Variants in USP15 observed in about 807,000 individuals in gnomAD.
USP15 encodes the protein ubiquitin specific peptidase 15.
USP15 carries 18 observed loss-of-function variants against 127.1 expected under a neutral mutation model. The ratio of observed to expected loss-of-function variants is 0.14; its 90% confidence interval spans 0.10 to 0.21. The LOEUF (loss-of-function observed/expected upper bound fraction) is 0.21, where lower values mean the gene tolerates loss of function less well. Ranked by LOEUF, USP15 falls within the 10% of genes least tolerant of loss-of-function variation. USP15 has a pLI of 1.00. For missense variants in USP15, 805 were observed against 1,159.9 expected, an observed-to-expected ratio of 0.69 and a Z score of 4.44; for synonymous variants, 364 against 393.7, an observed-to-expected ratio of 0.92 and a Z score of 0.89.
In USP15 at chr12:62,382,383, A is replaced by G. The variant is rs138043247; in HGVS notation, c.1089+720A>G. ...GCAGTTTTAAGTCGTTATTTATACA[A>G]GTAATTTAAATGGCATTGATAGAGG... On this transcript the variant is annotated intron_variant, in intron 9 of 21. Coordinates refer to ENST00000280377, the MANE Select transcript of USP15 (RefSeq NM_001252078.2). Among the ~76,000 whole-genome samples, 339 of 152,140 alleles carry G rather than the reference A, an allele frequency of 2.2e-3. 2 individuals carry two copies. Among genetic ancestry groups the G allele is most frequent in the African/African-American group, 8.0e-3 (334 of 41,578 alleles).
chr12:62,363,113 G>A (rs2066365937), intron 8 of USP15, among the ~76,000 whole-genome samples: 1 of 152,084 alleles, frequency 6.6e-6, no homozygotes, highest in Non-Finnish European at 1.5e-5. Flanking sequence ...GGCACTAAAG[G>A]TTTCAGGCTA....
At chr12:62,359,266 A>T (rs1592663398) in intron 8 of USP15, among the ~76,000 whole-genome samples, 1 of 151,836 alleles carries the variant, frequency 6.6e-6, no homozygotes, top group East Asian at 1.9e-4. Context: ...GAAACACATA[A>T]AAAACTAATA....
chr12:62,341,254 T>C (rs2065639086), intron 6 of USP15, among the ~76,000 whole-genome samples: 1 of 152,190 alleles, frequency 6.6e-6, no homozygotes, highest in South Asian at 2.1e-4. Flanking sequence ...AACCCTTTAT[T>C]TTGAGCCTAT....
chr12:62,304,847 G>T (rs61919258), intron 3 of USP15: 1 of 246,850 alleles, frequency 4.1e-6, no homozygotes, highest in Non-Finnish European at 8.3e-6. Context: ...AAAAAAAAAG[G>T]CAGATGAGAA....
At chr12:62,321,640 A>G (rs1310137356) in intron 5 of USP15, 31 bp downstream of exon 5, 12 of 1,471,444 alleles carry the variant, frequency 8.2e-6, no homozygotes, top group Non-Finnish European at 1.1e-5. Context: ...ACTGTATTAT[A>G]CATGAAGGTT....
intron 7 of USP15, 87 bp downstream of exon 7, chr12:62,349,394 A>G: frequency 2.3e-6 from 2 of 881,156 alleles, no homozygotes; most frequent in East Asian, 6.4e-5. Context: ...ATTTAGGATA[A>G]AAGTCTTAAT....
In USP15 at chr12:62,391,304, A is replaced by C. The variant is rs1330123049; in HGVS notation, c.2108A>C (p.Gln703Pro). The change falls in exon 16 of 22, where the codon CAA becomes CCA. Residue 703 changes from glutamine to proline, a missense_variant. By Grantham distance (76) the Gln-to-Pro change is moderately conservative. Coordinates refer to ENST00000280377, the MANE Select transcript of USP15 (RefSeq NM_001252078.2). Reference sequence around the variant, plus strand: ...TGTACTGAGGATACTTGCAAAGGTCAACTCACGGGACACAAAAAACGATTG... The same window carrying C: ...TGTACTGAGGATACTTGCAAAGGTCCACTCACGGGACACAAAAAACGATTG... The part of the protein sequence containing the change: ...GLCTEDTCKG[Q>P]LTGHKKRLFT... 1 of 1,613,648 alleles carries C rather than the reference A, an allele frequency of 6.2e-7. No homozygotes were observed. The highest frequency in any genetic ancestry group is 1.1e-5 in the South Asian group (1 of 91,050).
chr12:62,288,786 A>G (rs2063860647), intron 1 of USP15, among the ~76,000 whole-genome samples: 1 of 152,004 alleles, frequency 6.6e-6, no homozygotes, highest in African/African-American at 2.4e-5. Context: ...AGTTTGTTGC[A>G]GGTTTTTATC....
chr12:62,336,294 A>G (rs2065462226), intron 6 of USP15: 6 of 985,350 alleles, frequency 6.1e-6, no homozygotes, highest in Non-Finnish European at 6.0e-6. Flanking sequence ...AGGACTCACC[A>G]CCTCAAATTA....
At chr12:62,379,437 G>A (rs1470346809) in intron 8 of USP15, among the ~76,000 whole-genome samples, 3 of 152,120 alleles carry the variant, frequency 2.0e-5, no homozygotes, top group Non-Finnish European at 4.4e-5. Context: ...GAAGCAACAT[G>A]ATGAGATGTA....
At chr12:62,310,298 C>A (rs568033600) in intron 3 of USP15, among the ~76,000 whole-genome samples, 2 of 151,840 alleles carry the variant, frequency 1.3e-5, no homozygotes, top group Admixed American at 6.6e-5. Context: ...AGTATAGTCA[C>A]CCTGCTCTGC....
intron 2 of USP15, among the ~76,000 whole-genome samples, chr12:62,301,521 A>G (rs2064319215): frequency 6.6e-6 from 1 of 152,202 alleles, no homozygotes; most frequent in Non-Finnish European, 1.5e-5. Context: ...GAAATTAAGT[A>G]TTGATATGTA....
At chr12:62,260,618 G>T (rs1301170633) in intron 1 of USP15, 115 bp downstream of exon 1, 11 of 987,688 alleles carry the variant, frequency 1.1e-5, no homozygotes, top group Non-Finnish European at 1.6e-5. Flanking sequence ...GGCGGCGGCC[G>T]CCGGGGCAGC....
At chr12:62,386,761 T>C (rs2067161587) in intron 11 of USP15, among the ~76,000 whole-genome samples, 1 of 152,108 alleles carries the variant, frequency 6.6e-6, no homozygotes, top group Non-Finnish European at 1.5e-5. Context: ...CTATTAAGTA[T>C]AGATATTATA....
chr12:62,337,308 G>C (rs1352901177), intron 6 of USP15, among the ~76,000 whole-genome samples: 2 of 152,034 alleles, frequency 1.3e-5, no homozygotes, highest in African/African-American at 4.8e-5. Flanking sequence ...AGACATATAG[G>C]AGACGGGGCA....
intron 1 of USP15, among the ~76,000 whole-genome samples, chr12:62,284,230 A>G (rs2063730680): frequency 6.6e-6 from 1 of 152,170 alleles, no homozygotes; most frequent in South Asian, 2.1e-4. Context: ...ATCTTATTAG[A>G]CTTTTTTGTG....
At chr12:62,308,527 TGG>T (rs1211382790) in intron 3 of USP15, among the ~76,000 whole-genome samples, 1 of 152,116 alleles carries the variant, frequency 6.6e-6, no homozygotes, top group East Asian at 1.9e-4. Flanking sequence ...TCACTCACTC[TGG>T]GCGAAGCCAT....
At chr12:62,301,358 G>A (rs1046333035) in intron 2 of USP15, among the ~76,000 whole-genome samples, 1 of 152,062 alleles carries the variant, frequency 6.6e-6, no homozygotes, top group Non-Finnish European at 1.5e-5. Context: ...ATAAATGAAA[G>A]CATTTTATCC....
chr12:62,319,757 T>C (rs2064932136), intron 4 of USP15, among the ~76,000 whole-genome samples: 1 of 152,222 alleles, frequency 6.6e-6, no homozygotes, highest in African/African-American at 2.4e-5. Context: ...GATGCCTGTA[T>C]TAATAGAAAA....
Sources: gnomAD v4.1 joint callset for allele counts (sites outside exome capture counted in the v4.1 genomes callset) on GRCh38, gnomAD v4.1.1 for gene constraint, MANE v1.5 for transcripts, NCBI Gene and HGNC (gene_info 2026-07-23, HGNC 2026-07-21) for gene names.